Variants in CSMD3 observed in about 807,000 individuals in gnomAD.
CSMD3 encodes CUB and Sushi multiple domains 3.
A neutral mutation model predicts 435.2 loss-of-function variants in CSMD3; 177 were observed. That is an observed-to-expected ratio of 0.41 (90% CI 0.36 to 0.46). The LOEUF is 0.46. Among genes scored for constraint, CSMD3 ranks in the 20% least tolerant of loss-of-function variants. CSMD3 has a pLI of 0.34. For synonymous variants in CSMD3, 1,656 were observed against 1,520.5 expected (o/e 1.09, Z -2.07); for missense variants, 4,265 against 4,504.6 (o/e 0.95, Z 1.52).
chr8:113,307,701 TA>T (rs1203128112), intron 2 of CSMD3, among the ~76,000 whole-genome samples: 1 of 152,072 alleles, frequency 6.6e-6, no homozygotes, highest in Admixed American at 6.5e-5. Flanking sequence ...ACAACCCAAT[TA>T]AAAAAATAGA....
chr8:113,296,291 T>TATAATA (rs4027872), intron 2 of CSMD3, among the ~76,000 whole-genome samples: 50,910 of 146,048 alleles, frequency 0.35, 10,236 homozygotes, highest in Non-Finnish European at 0.47. Context: ...GAACTTAAAG[T>TATAATA]ATAATAATAA....
intron 50 of CSMD3, among the ~76,000 whole-genome samples, chr8:112,306,500 C>T (rs1399585833): frequency 6.6e-6 from 1 of 152,026 alleles, no homozygotes; most frequent in African/African-American, 2.4e-5. Flanking sequence ...TATGAGAATG[C>T]AAGTTAGGTA....
At chr8:113,168,851 A>G (rs2092214161) in intron 4 of CSMD3, among the ~76,000 whole-genome samples, 1 of 152,044 alleles carries the variant, frequency 6.6e-6, no homozygotes, top group Non-Finnish European at 1.5e-5. Flanking sequence ...CTCATATGTA[A>G]TTGGGACTTA....
chr8:113,356,413 A>C (rs1000935930), intron 1 of CSMD3, among the ~76,000 whole-genome samples: 9 of 152,184 alleles, frequency 5.9e-5, no homozygotes, highest in Non-Finnish European at 1.2e-4. Flanking sequence ...AAAATTGGTC[A>C]GCTTTTTTTG....
intron 37 of CSMD3, 100 bp from the exon 38 acceptor site, chr8:112,380,556 T>G (rs1002745941): frequency 1.4e-5 from 10 of 715,038 alleles, no homozygotes; most frequent in Non-Finnish European, 2.5e-5. Context: ...CCACTAAAAA[T>G]ATGCATTATT....
intron 10 of CSMD3, among the ~76,000 whole-genome samples, chr8:112,911,639 A>ATG (rs1219552158): frequency 2.4e-5 from 1 of 42,276 alleles, no homozygotes; most frequent in Non-Finnish European, 4.1e-5. Context: ...GTGTACATAT[A>ATG]TATGTGTGTG....
chr8:112,913,712 C>T (rs112171200), intron 10 of CSMD3, among the ~76,000 whole-genome samples: 4,982 of 151,234 alleles, frequency 0.033, 135 homozygotes, highest in Middle Eastern at 0.051. Context: ...CTCTCTCCCT[C>T]TACGGTTCCT....
intron 2 of CSMD3, chr8:113,311,514 T>C (rs2093868675): frequency 6.6e-6 from 1 of 152,024 alleles, no homozygotes; most frequent in African/African-American, 2.4e-5. Flanking sequence ...TAAATATCAA[T>C]TTCTGGAAGA....
intron 11 of CSMD3, 130 bp from the exon 12 acceptor site, chr8:112,829,919 AC>A (rs1488313231): frequency 5.6e-5 from 25 of 447,326 alleles, no homozygotes; most frequent in Non-Finnish European, 1.6e-5. Context: ...ACACACACAC[AC>A]ACACACAAGC....
chr8:113,065,992 T>C (rs2088836639), intron 5 of CSMD3, among the ~76,000 whole-genome samples: 1 of 151,546 alleles, frequency 6.6e-6, no homozygotes, highest in Non-Finnish European at 1.5e-5. Flanking sequence ...TAAATATGAA[T>C]GCTTTATACA....
intron 65 of CSMD3, among the ~76,000 whole-genome samples, chr8:112,243,618 C>A (rs1226853789): frequency 6.6e-6 from 1 of 151,916 alleles, no homozygotes; most frequent in Non-Finnish European, 1.5e-5. Context: ...CTTTCCTGAC[C>A]AAAACTTTGG....
intron 6 of CSMD3, among the ~76,000 whole-genome samples, chr8:112,993,375 C>A (rs1210298003): frequency 1.3e-5 from 2 of 151,626 alleles, no homozygotes; most frequent in Non-Finnish European, 2.9e-5. Context: ...TTTTAAGGAA[C>A]AAGAAGGATA....
At chr8:112,460,739 ATAGT>A (rs1231601277) in intron 32 of CSMD3, among the ~76,000 whole-genome samples, 31 of 152,294 alleles carry the variant, frequency 2.0e-4, no homozygotes, top group Non-Finnish European at 2.9e-4. Flanking sequence ...TGAAACTTTG[ATAGT>A]TAGTCTGGTA....
intron 7 of CSMD3, among the ~76,000 whole-genome samples, chr8:112,957,630 T>A (rs2084074275): frequency 6.6e-6 from 1 of 152,078 alleles, no homozygotes; most frequent in Non-Finnish European, 1.5e-5. Context: ...TTCGTAGTTA[T>A]AATAGAGACG....
intron 3 of CSMD3, among the ~76,000 whole-genome samples, chr8:113,270,745 T>C (rs560703484): frequency 1.4e-4 from 21 of 151,440 alleles, no homozygotes; most frequent in African/African-American, 4.9e-4. Flanking sequence ...AAACACCGCA[T>C]GTTCTCACTA....
chr8:113,205,670 T>C (rs1279358379), intron 3 of CSMD3, among the ~76,000 whole-genome samples: 1 of 152,144 alleles, frequency 6.6e-6, no homozygotes, highest in Non-Finnish European at 1.5e-5. Context: ...CAACCTTTTC[T>C]CTCTAGTGAC....
intron 13 of CSMD3, among the ~76,000 whole-genome samples, chr8:112,696,819 C>G (rs567083302): frequency 2.8e-4 from 42 of 152,026 alleles, no homozygotes; most frequent in African/African-American, 9.9e-4. Context: ...TTTTTGCAAT[C>G]TACTCATCTG....
At chr8:112,862,744 T>C (rs568924165) in intron 10 of CSMD3, among the ~76,000 whole-genome samples, 1 of 152,206 alleles carries the variant, frequency 6.6e-6, no homozygotes, top group East Asian at 1.9e-4. Flanking sequence ...GTGTTATTAT[T>C]GTAGGATTAA....
chr8:112,388,463 T>G (rs1586957214), intron 36 of CSMD3, among the ~76,000 whole-genome samples: 1 of 152,284 alleles, frequency 6.6e-6, no homozygotes, highest in East Asian at 1.9e-4. Flanking sequence ...AAGACAAACC[T>G]GACGAATTTC....
Sources: gnomAD v4.1 joint callset for allele counts (sites outside exome capture counted in the v4.1 genomes callset) on GRCh38, gnomAD v4.1.1 for gene constraint, MANE v1.5 for transcripts, NCBI Gene and HGNC (gene_info 2026-07-23, HGNC 2026-07-21) for gene names.